Variants in SPESP1 observed in about 807,000 individuals in gnomAD.
SPESP1 encodes equatorial segment protein.
A neutral mutation model predicts 3.1 loss-of-function variants in SPESP1; 1 was observed. The ratio of observed to expected loss-of-function variants is 0.33; its 90% CI spans 0.12 to 1.54. The LOEUF is 1.54. Ranked by LOEUF, SPESP1 falls within the 40% of genes most tolerant of loss-of-function variation. The probability of loss-of-function intolerance (pLI) is 0.38; values close to 1 mark genes in which losing one functional copy is unlikely to be tolerated. For synonymous variants in SPESP1, 138 were observed against 150.7 expected (o/e 0.92, Z 0.62); for missense variants, 398 against 410.1 (o/e 0.97, Z 0.26).
intron 1 of SPESP1, among the ~76,000 whole-genome samples, chr15:68,939,546 G>A (rs775488063): frequency 1.3e-5 from 2 of 152,156 alleles, no homozygotes; most frequent in African/African-American, 2.4e-5. Flanking sequence ...CTGATTAGTA[G>A]AACTGAGAAG....
At chr15:68,941,272 A>G (rs1895815905) in intron 1 of SPESP1, among the ~76,000 whole-genome samples, 1 of 152,234 alleles carries the variant, frequency 6.6e-6, no homozygotes, top group African/African-American at 2.4e-5. Context: ...ATCTGAGAAC[A>G]TGGTATAGCT....
At chr15:68,938,970 C>A (rs1484840869) in intron 1 of SPESP1, among the ~76,000 whole-genome samples, 1 of 152,194 alleles carries the variant, frequency 6.6e-6, no homozygotes, top group Non-Finnish European at 1.5e-5. Context: ...TCCATTTCCC[C>A]TTTGGATTTC....
In SPESP1 at chr15:68,946,391, T is replaced by C. The variant is rs1895967458; in HGVS notation, c.857T>C (p.Val286Ala). 2 of 1,614,004 alleles carry C rather than the reference T, an allele frequency of 1.2e-6. No individual in the cohort carries two copies. The highest frequency in any genetic ancestry group is 1.7e-6 in the Non-Finnish European group (2 of 1,180,018). Residue 286 changes from valine (V) to alanine (A), a missense_variant, in exon 2 of 2, where the codon GTA becomes GCA. Transcript: ENST00000310673. ...ATGTATAAGTCCCAGTTATTGCCAG[T>C]AGGACGAACAAGTAATAAAATTGAT... ...KTMYKSQLLP[V>A]GRTSNKIDDI...
In SPESP1 at chr15:68,946,644, C is replaced by G; in HGVS notation, c.*57C>G. 7.4e-7 allele frequency: 1 copy of G among 1,344,326 alleles called. No individual in the cohort carries two copies. The highest frequency in any genetic ancestry group is 9.5e-7 in the Non-Finnish European group (1 of 1,047,950). 83.3% of individuals were successfully genotyped at this position (1,344,326 alleles called of 1,614,324 possible). ...TATTCCATAACAAAGCTGATTTAAG[C>G]AAACTGCATTTTTTCACAGGAGAAA... On this transcript the variant is annotated 3_prime_UTR_variant, in exon 2 of 2. Transcript: ENST00000310673.
intron 1 of SPESP1, among the ~76,000 whole-genome samples, chr15:68,936,071 A>G (rs1438126807): frequency 6.6e-6 from 1 of 152,220 alleles, no homozygotes; most frequent in African/African-American, 2.4e-5. Context: ...CATGGTATGT[A>G]TAGAAAATAC....
intron 1 of SPESP1, among the ~76,000 whole-genome samples, chr15:68,939,037 T>G (rs1043851709): frequency 3.3e-5 from 5 of 152,342 alleles, no homozygotes; most frequent in Admixed American, 2.6e-4. Flanking sequence ...TCTTACCATT[T>G]CTGTTGTGTG....
chr15:68,942,169 C>CTTTTTTTTTTTTTT (rs778249415), intron 1 of SPESP1, among the ~76,000 whole-genome samples: 68 of 142,824 alleles, frequency 4.8e-4, no homozygotes, highest in East Asian at 2.1e-3. Flanking sequence ...CATCTTATTT[C>CTTTTTTTTTTTTTT]TTTTTTTTTT....
Sources: gnomAD v4.1 joint callset for allele counts (sites outside exome capture counted in the v4.1 genomes callset) on GRCh38, gnomAD v4.1.1 for gene constraint, MANE v1.5 for transcripts, NCBI Gene and HGNC (gene_info 2026-07-23, HGNC 2026-07-21) for gene names.